DDC: variants seen among roughly 807,000 people sequenced by gnomAD.
DDC encodes the protein dopa decarboxylase.
Under a neutral mutation model 60.0 loss-of-function variants are expected in DDC, and 43 were observed. The observed-to-expected ratio is 0.72, with a 90% CI of 0.56 to 0.92. DDC has a LOEUF of 0.92. Ranked by LOEUF, DDC falls within the 40% of genes least tolerant of loss-of-function variation. The pLI is 0.00. For missense variants in DDC, 573 were observed against 620.2 expected (o/e 0.92, Z 0.81); for synonymous variants, 232 against 234.6 (o/e 0.99, Z 0.10).
chr7:50,534,942 T>A (rs1475793525), intron 4 of DDC, among the ~76,000 whole-genome samples: 1 of 152,182 alleles, frequency 6.6e-6, no homozygotes, highest in East Asian at 1.9e-4. Flanking sequence ...CTCCCCTCGC[T>A]GGAAGGGCAC....
intron 9 of DDC, among the ~76,000 whole-genome samples, chr7:50,493,482 G>A (rs1483504648): frequency 6.6e-6 from 1 of 152,148 alleles, no homozygotes; most frequent in Non-Finnish European, 1.5e-5. Context: ...CCACCTTAGA[G>A]GATTTTCCCC....
intron 8 of DDC, 85 bp from the exon 9 acceptor site, chr7:50,495,502 A>T: frequency 1.8e-6 from 2 of 1,114,314 alleles, no homozygotes; most frequent in Non-Finnish European, 2.6e-6. Flanking sequence ...TGATAATAAA[A>T]GTTTATGGCA....
chr7:50,525,776 T>C (rs1031827924), intron 6 of DDC, among the ~76,000 whole-genome samples: 2 of 151,252 alleles, frequency 1.3e-5, no homozygotes, highest in African/African-American at 4.9e-5. Context: ...AAAAATAAAA[T>C]AAAATAAAAT....
intron 1 of DDC, among the ~76,000 whole-genome samples, chr7:50,559,513 C>T (rs376832035): frequency 1.3e-5 from 2 of 151,820 alleles, no homozygotes; most frequent in Non-Finnish European, 2.9e-5. Context: ...CTGCAACCTC[C>T]GCCTCCCGGG....
At chr7:50,492,857 C>T (rs2043032827) in intron 9 of DDC, 2 of 1,562,946 alleles carry the variant, frequency 1.3e-6, no homozygotes, top group South Asian at 1.2e-5. Flanking sequence ...CGCCAACTTG[C>T]TGGCATCAGC....
intron 1 of DDC, among the ~76,000 whole-genome samples, chr7:50,545,299 GT>G (rs1407047857): frequency 9.9e-5 from 15 of 151,978 alleles, no homozygotes; most frequent in Admixed American, 6.6e-5. Flanking sequence ...GACATTGGGG[GT>G]TACAAATGAA....
intron 4 of DDC, among the ~76,000 whole-genome samples, chr7:50,530,637 C>T (rs889769264): frequency 2.6e-5 from 4 of 151,948 alleles, no homozygotes; most frequent in African/African-American, 7.3e-5. Flanking sequence ...AGGTAGGGCA[C>T]GGTTAGGAGT....
chr7:50,539,863 C>G, intron 3 of DDC, 52 bp downstream of exon 3: 1 of 1,427,884 alleles, frequency 7.0e-7, no homozygotes, highest in Non-Finnish European at 9.8e-7. Context: ...GTCCCCACCC[C>G]GGGATCCCAC....
At chr7:50,485,019 A>G (rs891990235) in intron 9 of DDC, among the ~76,000 whole-genome samples, 1 of 152,228 alleles carries the variant, frequency 6.6e-6, no homozygotes. Context: ...TCAAGTCTCA[A>G]CGATTACTAG....
chr7:50,534,575 C>A (rs144362162), intron 4 of DDC, among the ~76,000 whole-genome samples: 1 of 149,958 alleles, frequency 6.7e-6, no homozygotes, highest in African/African-American at 2.5e-5. Flanking sequence ...CCAGCCTGGG[C>A]GACAAGAATG....
intron 6 of DDC, among the ~76,000 whole-genome samples, chr7:50,514,477 A>G (rs893929454): frequency 7.2e-5 from 11 of 152,208 alleles, no homozygotes; most frequent in Non-Finnish European, 1.3e-4. Flanking sequence ...CCAAACCAAG[A>G]AAAAATCCCT....
chr7:50,508,139 C>T (rs985027338), intron 6 of DDC, among the ~76,000 whole-genome samples: 1 of 152,196 alleles, frequency 6.6e-6, no homozygotes, highest in South Asian at 2.1e-4. Context: ...AAGGAGGAGG[C>T]CTGGGGGCTG....
intron 9 of DDC, among the ~76,000 whole-genome samples, chr7:50,485,107 T>C (rs2042854338): frequency 6.6e-6 from 1 of 152,148 alleles, no homozygotes; most frequent in Non-Finnish European, 1.5e-5. Flanking sequence ...CACTATAAAA[T>C]AATTTGTGGC....
chr7:50,521,692 T>C (rs1040295373), intron 6 of DDC, among the ~76,000 whole-genome samples: 7 of 152,274 alleles, frequency 4.6e-5, no homozygotes, highest in Non-Finnish European at 1.0e-4. Flanking sequence ...CAGAAAAGTG[T>C]TTGACAAAAT....
intron 3 of DDC, chr7:50,539,708 G>A (rs2044549635): frequency 1.8e-6 from 1 of 568,890 alleles, no homozygotes; most frequent in Admixed American, 2.5e-5. Context: ...TGGGCTTTGA[G>A]TTGTTGAGAC....
intron 8 of DDC, among the ~76,000 whole-genome samples, chr7:50,496,238 C>A: frequency 6.6e-6 from 1 of 152,028 alleles, no homozygotes; most frequent in East Asian, 1.9e-4. Context: ...CGTGTGCCAC[C>A]ACACACAGCT....
rs146504280 is a variant in DDC, at chr7:50,556,677, G to A, written c.-29+8608C>T. 1.3e-4 allele frequency among the ~76,000 whole-genome samples: 20 copies of A among 152,286 alleles called. No homozygotes were observed. In the East Asian group the frequency reaches 3.9e-3, roughly 29 times the overall value. On this transcript the variant is annotated intron_variant, in intron 1 of 14. Transcript: ENST00000444124. ...AGGAATCAAATCCATCATCTCAAGGGAGTTTCTGTCCAGAAAGGAACTCCT... is the reference window on the plus strand; with the variant it reads ...AGGAATCAAATCCATCATCTCAAGGAAGTTTCTGTCCAGAAAGGAACTCCT...
chr7:50,559,929 T>C (rs1274160392), intron 1 of DDC, among the ~76,000 whole-genome samples: 2 of 152,232 alleles, frequency 1.3e-5, no homozygotes, highest in Non-Finnish European at 2.9e-5. Flanking sequence ...GGATTTATTT[T>C]AATTATTTTC....
intron 1 of DDC, 69 bp downstream of exon 1, chr7:50,565,212 GGCCA>G (rs2045401823): frequency 6.6e-6 from 1 of 152,184 alleles, no homozygotes; most frequent in Admixed American, 6.5e-5. Context: ...AGTAACATGG[GGCCA>G]GAGAGTCAAG....
Sources: gnomAD v4.1 joint callset for allele counts (sites outside exome capture counted in the v4.1 genomes callset) on GRCh38, gnomAD v4.1.1 for gene constraint, MANE v1.5 for transcripts, NCBI Gene and HGNC (gene_info 2026-07-23, HGNC 2026-07-21) for gene names.